The following GLRA2 variants were observed in gnomAD, a reference collection of about 807,000 sequenced individuals.
GLRA2 encodes glycine receptor alpha 2.
Under a neutral mutation model 31.6 loss-of-function variants are expected in GLRA2, and 11 were observed. The observed-to-expected ratio is 0.35, with a 90% CI of 0.22 to 0.58. GLRA2 has a LOEUF of 0.58. Among genes scored for constraint, GLRA2 ranks in the 20% least tolerant of loss-of-function variants. The pLI, the probability that GLRA2 is intolerant of heterozygous loss-of-function variation, is 0.84. For missense variants in GLRA2, 212 were observed against 351.8 expected (o/e 0.60, Z 3.18); for synonymous variants, 132 against 134.0 (o/e 0.99, Z 0.10).
intron 4 of GLRA2, among the ~76,000 whole-genome samples, chrX:14,582,115 C>T (rs187027011): frequency 1.1e-3 from 110 of 104,667 alleles, no homozygotes; most frequent in African/African-American, 3.6e-3. Context: ...ATGTGCACAA[C>T]GTGCAGGTTA....
At chrX:14,628,514 A>G (rs1393645708) in intron 7 of GLRA2, among the ~76,000 whole-genome samples, 1 of 111,934 alleles carries the variant, frequency 8.9e-6, no homozygotes, top group African/African-American at 3.2e-5. Context: ...TATTAAGCAC[A>G]AATTAATAGA....
chrX:14,521,570 T>TGTCCAGCTTGCAGATG, the GLRA2 span, among the ~76,000 whole-genome samples: 3 of 111,394 alleles, frequency 2.7e-5, no homozygotes, highest in Admixed American at 9.6e-5. Context: ...AGCATCAGGG[T>TGTCCAGCTTGCAGATG]GTCCAGCTTG....
the GLRA2 span, among the ~76,000 whole-genome samples, chrX:14,456,168 A>G: frequency 9.0e-6 from 1 of 110,602 alleles, no homozygotes; most frequent in Non-Finnish European, 1.9e-5. Flanking sequence ...TGGTCTATTA[A>G]GTTTTTAACC....
chrX:14,522,453 G>A, the GLRA2 span, among the ~76,000 whole-genome samples: 3 of 111,730 alleles, frequency 2.7e-5, no homozygotes, highest in African/African-American at 9.8e-5. Context: ...CCAAACTCTT[G>A]TTGACATTTT....
chrX:14,517,558 C>G, the GLRA2 span, among the ~76,000 whole-genome samples: 1 of 111,669 alleles, frequency 9.0e-6, no homozygotes, highest in African/African-American at 3.3e-5. Flanking sequence ...CTTGTGAGAA[C>G]TCACTATCAT....
the GLRA2 span, among the ~76,000 whole-genome samples, chrX:14,460,342 TTG>T: frequency 8.9e-6 from 1 of 112,015 alleles, no homozygotes; most frequent in Non-Finnish European, 1.9e-5. Flanking sequence ...TCTTTTTTTG[TTG>T]TGTCTCTACC....
At chrX:14,704,390 C>A (rs1241348617) in intron 8 of GLRA2, among the ~76,000 whole-genome samples, 1 of 111,995 alleles carries the variant, frequency 8.9e-6, no homozygotes, top group Non-Finnish European at 1.9e-5. Context: ...AGATCCTGCA[C>A]AATGGTTTAA....
chrX:14,460,837 G>GT, the GLRA2 span, among the ~76,000 whole-genome samples: 366 of 109,774 alleles, frequency 3.3e-3, 6 homozygotes, highest in Admixed American at 0.031. Context: ...TTTTTGAAGG[G>GT]TTTTTTTTGT....
At chrX:14,676,157 G>T (rs1438107402) in intron 7 of GLRA2, among the ~76,000 whole-genome samples, 3 of 112,470 alleles carry the variant, frequency 2.7e-5, no homozygotes, top group Non-Finnish European at 5.6e-5. Flanking sequence ...AAATGAAATT[G>T]TACTGTACAG....
chrX:14,692,738 T>C (rs1418769574), intron 8 of GLRA2, among the ~76,000 whole-genome samples: 1 of 111,643 alleles, frequency 9.0e-6, no homozygotes, highest in Non-Finnish European at 1.9e-5. Flanking sequence ...AGATGGAAAA[T>C]GGGTTTCATT....
intron 8 of GLRA2, among the ~76,000 whole-genome samples, chrX:14,718,545 T>C (rs1401548565): frequency 8.9e-6 from 1 of 112,118 alleles, no homozygotes; most frequent in African/African-American, 3.2e-5. Context: ...GAATGACTTG[T>C]CTCTACTACA....
intron 2 of GLRA2, among the ~76,000 whole-genome samples, chrX:14,568,363 C>T (rs1204487406): frequency 9.0e-6 from 1 of 111,605 alleles, no homozygotes; most frequent in Non-Finnish European, 1.9e-5. Flanking sequence ...TTGGCAAGTC[C>T]ATTTAATGAG....
the GLRA2 span, among the ~76,000 whole-genome samples, chrX:14,475,232 G>T: frequency 8.9e-6 from 1 of 112,171 alleles, no homozygotes; most frequent in Non-Finnish European, 1.9e-5. Context: ...TTTATCCTTT[G>T]TCCTTTTTGC....
chrX:14,607,391 C>A, intron 6 of GLRA2, 123 bp downstream of exon 6: 2 of 559,097 alleles, frequency 3.6e-6, no homozygotes, highest in Non-Finnish European at 5.6e-6. Context: ...CTATGTCGCA[C>A]GGACCTGATT....
chrX:14,651,829 T>A (rs898441430), intron 7 of GLRA2, among the ~76,000 whole-genome samples: 1 of 112,050 alleles, frequency 8.9e-6, no homozygotes, highest in East Asian at 2.8e-4. Flanking sequence ...AATAAATGTT[T>A]GTGTCTCACC....
chrX:14,704,426 A>G lies in GLRA2; in HGVS notation c.1080+13567A>G, dbSNP rs183875524. ...GATTCTTGATGGCAACTTGAGCTGT[A>G]GTTATTTCAGCATAACTGGACTCTC... is the stretch of plus-strand genomic sequence containing the variant. On this transcript the variant is annotated intron_variant, in intron 8 of 8. Transcript: ENST00000218075. Among the ~76,000 whole-genome samples the G allele has an allele frequency of 1.6e-4, 18 of 112,454 alleles. No homozygotes were observed. The East Asian group carries it at 5.0e-3, about 31-fold the overall frequency.
intron 2 of GLRA2, among the ~76,000 whole-genome samples, chrX:14,545,593 TGAA>T (rs1280534355): frequency 1.8e-5 from 2 of 111,891 alleles, no homozygotes; most frequent in Non-Finnish European, 3.8e-5. Flanking sequence ...CACTGCATCT[TGAA>T]GAAGAACTGA....
Position 14,719,514 on chromosome X carries a change from C to A in GLRA2, c.1081-10693C>A, listed in dbSNP as rs186211901. Among the ~76,000 whole-genome samples the A allele has an allele frequency of 4.2e-3, 466 of 111,720 alleles. 2 individuals carry two copies. The highest frequency in any genetic ancestry group is 5.5e-3 in the Non-Finnish European group (290 of 53,053). On this transcript the variant is annotated intron_variant, in intron 8 of 8. Transcript: ENST00000218075. ...AAAATCACAATGAGATATCATCTCA[C>A]CCCAGTTAGAATAGCTATTATCAAA...
At chrX:14,713,720 A>G (rs921977678) in intron 8 of GLRA2, among the ~76,000 whole-genome samples, 3 of 111,256 alleles carry the variant, frequency 2.7e-5, no homozygotes, top group Non-Finnish European at 5.7e-5. Context: ...ACAAAGCCTA[A>G]AATGTTGACT....
Sources: allele counts gnomAD v4.1 joint callset (sites outside exome capture counted in the v4.1 genomes callset), GRCh38; gene constraint gnomAD v4.1.1; transcripts MANE v1.5; gene names NCBI Gene and HGNC (gene_info 2026-07-23, HGNC 2026-07-21).